The following LY96 variants were observed in gnomAD, a reference collection of about 807,000 sequenced individuals.
LY96 encodes the protein myeloid differentiation protein-2.
A neutral mutation model predicts 18.9 loss-of-function variants in LY96; 18 were observed. The observed-to-expected ratio is 0.95, with a 90% CI of 0.66 to 1.41. LY96 has a LOEUF of 1.41. LY96 is among the 40% of genes most tolerant of loss of function. The pLI, the probability that LY96 is intolerant of heterozygous loss-of-function variation, is 0.00. For missense variants in LY96, 175 were observed against 182.4 expected (o/e 0.96, Z 0.23); for synonymous variants, 66 against 62.6 (o/e 1.06, Z -0.26).
At chr8:74,017,302 A>G (rs1280407471) in intron 3 of LY96, among the ~76,000 whole-genome samples, 2 of 152,220 alleles carry the variant, frequency 1.3e-5, no homozygotes, top group Non-Finnish European at 2.9e-5. Flanking sequence ...AAAGGGTATC[A>G]GTGATTGAAG....
chr8:73,994,041 G>A (rs1418493286), intron 1 of LY96, among the ~76,000 whole-genome samples: 1 of 151,592 alleles, frequency 6.6e-6, no homozygotes, highest in Non-Finnish European at 1.5e-5. Context: ...CTGGAGTGCA[G>A]TAGTACGATC....
intron 3 of LY96, among the ~76,000 whole-genome samples, chr8:74,022,357 A>G (rs1316354339): frequency 6.6e-6 from 1 of 151,982 alleles, no homozygotes; most frequent in Non-Finnish European, 1.5e-5. Flanking sequence ...CGGTGAGCCA[A>G]GATCCCACCA....
intron 4 of LY96, among the ~76,000 whole-genome samples, chr8:74,028,324 T>A (rs1816911472): frequency 6.6e-6 from 1 of 152,220 alleles, no homozygotes; most frequent in Admixed American, 6.5e-5. Context: ...TTCATTTTTT[T>A]TTCCCTCTAA....
chr8:74,017,591 G>T (rs1039166881), intron 3 of LY96, among the ~76,000 whole-genome samples: 2 of 152,246 alleles, frequency 1.3e-5, no homozygotes, highest in Admixed American at 6.5e-5. Context: ...CCCCAAGACA[G>T]ATAATTGTCA....
the LY96 span, among the ~76,000 whole-genome samples, chr8:74,092,210 A>C: frequency 1.3e-5 from 2 of 152,212 alleles, no homozygotes; most frequent in African/African-American, 4.8e-5. Context: ...TTTGCATTCA[A>C]GGAAGATGGT....
intron 3 of LY96, among the ~76,000 whole-genome samples, chr8:74,025,740 G>A (rs1456559187): frequency 6.6e-6 from 1 of 151,978 alleles, no homozygotes; most frequent in African/African-American, 2.4e-5. Context: ...GGGCGCAGTG[G>A]CTCATGCCTG....
At chr8:74,023,292 C>G (rs1428276469) in intron 3 of LY96, among the ~76,000 whole-genome samples, 2 of 152,118 alleles carry the variant, frequency 1.3e-5, no homozygotes, top group Non-Finnish European at 2.9e-5. Flanking sequence ...GTGGGCATGA[C>G]AGTGGCTGCC....
chr8:74,005,025 G>A, intron 2 of LY96, 140 bp downstream of exon 2: 1 of 877,904 alleles, frequency 1.1e-6, no homozygotes, highest in South Asian at 1.5e-5. Flanking sequence ...GCTTAACACA[G>A]CACACATTTA....
the LY96 span, among the ~76,000 whole-genome samples, chr8:74,075,894 G>A: frequency 1.3e-5 from 2 of 152,160 alleles, no homozygotes; most frequent in Middle Eastern, 3.2e-3. Flanking sequence ...CACACGGTTT[G>A]GGTGCAGGAT....
chr8:74,049,090 G>A, the LY96 span, among the ~76,000 whole-genome samples: 9 of 152,270 alleles, frequency 5.9e-5, no homozygotes, highest in East Asian at 1.9e-4. Flanking sequence ...ATTAATTAGT[G>A]TGATTATTGA....
At chr8:74,024,257 G>A (rs1407333766) in intron 3 of LY96, among the ~76,000 whole-genome samples, 2 of 151,608 alleles carry the variant, frequency 1.3e-5, no homozygotes, top group Non-Finnish European at 2.9e-5. Flanking sequence ...ATAAAGAAAA[G>A]CAGAAAAATG....
the LY96 span, among the ~76,000 whole-genome samples, chr8:74,055,387 C>T: frequency 6.6e-6 from 1 of 152,090 alleles, no homozygotes; most frequent in East Asian, 1.9e-4. Context: ...AATTTCATGA[C>T]CTTGGGCAAG....
At chr8:74,046,367 C>T in the LY96 span, among the ~76,000 whole-genome samples, 40,602 of 152,030 alleles carry the variant, frequency 0.27, 6,578 homozygotes, top group African/African-American at 0.46. Context: ...TCGCAGTCAA[C>T]ATTTGACAAC....
chr8:74,059,530 G>A, the LY96 span, among the ~76,000 whole-genome samples: 3 of 152,174 alleles, frequency 2.0e-5, no homozygotes, highest in Admixed American at 6.5e-5. Flanking sequence ...TATATTTATA[G>A]GGACTTTCCA....
chr8:74,055,215 A>G, the LY96 span, among the ~76,000 whole-genome samples: 2 of 152,184 alleles, frequency 1.3e-5, no homozygotes, highest in African/African-American at 4.8e-5. Context: ...GCCATCATGT[A>G]TCATTCTTAA....
chr8:74,076,062 C>T, the LY96 span, among the ~76,000 whole-genome samples: 8 of 151,094 alleles, frequency 5.3e-5, no homozygotes, highest in Non-Finnish European at 8.9e-5. Flanking sequence ...GACCTTTTTA[C>T]CCCTCCTTTC....
intron 1 of LY96, among the ~76,000 whole-genome samples, 153 bp downstream of exon 1, chr8:73,991,707 G>A (rs965009055): frequency 1.3e-5 from 2 of 152,150 alleles, no homozygotes; most frequent in African/African-American, 4.8e-5. Context: ...GCAATAGCTG[G>A]CAGCTGCCCC....
At chr8:74,002,636 A>G (rs968256173) in intron 1 of LY96, among the ~76,000 whole-genome samples, 6 of 150,944 alleles carry the variant, frequency 4.0e-5, no homozygotes, top group Non-Finnish European at 8.8e-5. Context: ...TAGTGGCACA[A>G]TCTTGGCTCA....
chr8:74,005,013 T>A, intron 2 of LY96, 128 bp downstream of exon 2: 2 of 989,002 alleles, frequency 2.0e-6, no homozygotes, highest in Non-Finnish European at 3.1e-6. Flanking sequence ...ACGATCTTTG[T>A]GGCTTAACAC....
Sources: gnomAD v4.1 joint callset for allele counts (sites outside exome capture counted in the v4.1 genomes callset) on GRCh38, gnomAD v4.1.1 for gene constraint, MANE v1.5 for transcripts, NCBI Gene and HGNC (gene_info 2026-07-23, HGNC 2026-07-21) for gene names.